Variants in DLG2 observed in about 807,000 individuals in gnomAD.
The protein encoded by DLG2 is discs large MAGUK scaffold protein 2.
In DLG2, 45 loss-of-function variants were observed where a neutral mutation model predicts 132.5. That is an observed-to-expected ratio of 0.34 (90% CI 0.27 to 0.44). The LOEUF is 0.44. Among genes scored for constraint, DLG2 ranks in the 20% least tolerant of loss-of-function variants. The pLI is 1.00. For missense variants in DLG2, 1,045 were observed against 1,196.9 expected (o/e 0.87, Z 1.87); for synonymous variants, 424 against 419.6 (o/e 1.01, Z -0.13).
At chr11:83,627,649 T>C (rs1378009083) in intron 19 of DLG2, among the ~76,000 whole-genome samples, 2 of 152,200 alleles carry the variant, frequency 1.3e-5, no homozygotes, top group African/African-American at 4.8e-5. Flanking sequence ...GTCTTTGCTA[T>C]TGTGAATAGT....
At chr11:84,273,304 A>AG (rs1445543087) in intron 7 of DLG2, 6 of 646,958 alleles carry the variant, frequency 9.3e-6, no homozygotes, top group South Asian at 2.6e-5. Context: ...CCAGTTGAAG[A>AG]GGAAAAAAAA....
chr11:83,717,077 G>C (rs2086870893), intron 18 of DLG2, among the ~76,000 whole-genome samples: 1 of 152,092 alleles, frequency 6.6e-6, no homozygotes, highest in Non-Finnish European at 1.5e-5. Flanking sequence ...TTGTACTAAT[G>C]TTATACTCTA....
intron 3 of DLG2, among the ~76,000 whole-genome samples, chr11:85,559,843 GA>G (rs2077139665): frequency 6.6e-6 from 1 of 151,286 alleles, no homozygotes; most frequent in African/African-American, 2.4e-5. Context: ...TAGATAGATA[GA>G]TAGATAGATA....
intron 6 of DLG2, among the ~76,000 whole-genome samples, chr11:84,739,780 C>G (rs2064349368): frequency 6.6e-6 from 1 of 152,094 alleles, no homozygotes; most frequent in East Asian, 1.9e-4. Flanking sequence ...AAAGCAGTAT[C>G]AAAACAATAT....
intron 7 of DLG2, among the ~76,000 whole-genome samples, chr11:84,339,426 A>G (rs1261828773): frequency 6.6e-6 from 1 of 152,174 alleles, no homozygotes; most frequent in Non-Finnish European, 1.5e-5. Context: ...TTTTATTCTT[A>G]TAGTTGATGC....
At chr11:84,812,134 A>C (rs1210957468) in intron 6 of DLG2, among the ~76,000 whole-genome samples, 3 of 152,216 alleles carry the variant, frequency 2.0e-5, no homozygotes, top group Non-Finnish European at 4.4e-5. Context: ...ATGATCCAGC[A>C]TTATCCAGCA....
intron 14 of DLG2, among the ~76,000 whole-genome samples, chr11:83,931,767 A>G (rs892897712): frequency 2.6e-5 from 4 of 152,192 alleles, no homozygotes; most frequent in South Asian, 2.1e-4. Flanking sequence ...CATATTTAAT[A>G]GATTTGGTGT....
At chr11:85,020,720 A>G (rs1478073775) in intron 6 of DLG2, 1 of 590,848 alleles carries the variant, frequency 1.7e-6, no homozygotes, top group Non-Finnish European at 3.2e-6. Context: ...GGCTAGCCAT[A>G]TGTGGAAAGC....
At chr11:85,221,065 C>CA (rs1012846447) in intron 4 of DLG2, among the ~76,000 whole-genome samples, 1 of 147,778 alleles carries the variant, frequency 6.8e-6, no homozygotes, top group African/African-American at 2.5e-5. Context: ...TTTTTTGAGA[C>CA]AGAGTCTCAC....
chr11:84,009,938 G>A (rs564678960), intron 11 of DLG2, among the ~76,000 whole-genome samples: 2 of 152,150 alleles, frequency 1.3e-5, no homozygotes, highest in Admixed American at 6.6e-5. Context: ...GGGCCAAGAC[G>A]CGAATCCAAG....
At chr11:84,466,736 T>G (rs1279082089) in intron 7 of DLG2, among the ~76,000 whole-genome samples, 1 of 151,374 alleles carries the variant, frequency 6.6e-6, no homozygotes, top group Non-Finnish European at 1.5e-5. Context: ...AAAGTACATA[T>G]GACTCTTTCC....
chr11:84,024,238 T>C (rs1190787082), intron 11 of DLG2, among the ~76,000 whole-genome samples: 2 of 152,120 alleles, frequency 1.3e-5, no homozygotes, highest in Non-Finnish European at 2.9e-5. Context: ...TGCATCAAAC[T>C]CTCTGACCTA....
chr11:83,894,450 A>G (rs886085971), intron 15 of DLG2, among the ~76,000 whole-genome samples: 4 of 152,164 alleles, frequency 2.6e-5, no homozygotes, highest in African/African-American at 9.7e-5. Context: ...AGGAAACAAA[A>G]ATTTTTTAAA....
Position 84,585,182 on chromosome 11 carries a change from T to C in DLG2, c.358-50451A>G, listed in dbSNP as rs2154529716. Reference sequence around the variant, plus strand: ...TATGTATGTGAGATAGGAATTAATTTAATTTTTCGTATTATATATAATTGT... The same window carrying C: ...TATGTATGTGAGATAGGAATTAATTCAATTTTTCGTATTATATATAATTGT... On this transcript the variant is annotated intron_variant, in intron 6 of 27. Transcript: ENST00000376104. 2.0e-5 allele frequency among the ~76,000 whole-genome samples: 3 copies of C among 152,326 alleles called. No individual in the cohort carries two copies. The South Asian group carries it at 6.2e-4, about 32-fold the overall frequency.
At chr11:85,160,597 C>G (rs535833611) in intron 4 of DLG2, among the ~76,000 whole-genome samples, 11 of 152,266 alleles carry the variant, frequency 7.2e-5, no homozygotes, top group Admixed American at 2.0e-4. Context: ...GTGGGTCATG[C>G]ACAGCAGCAT....
chr11:85,457,200 T>A (rs923353547), intron 3 of DLG2, among the ~76,000 whole-genome samples: 12 of 114,308 alleles, frequency 1.0e-4, no homozygotes, highest in Non-Finnish European at 1.7e-4. Context: ...TTTTTTTTTT[T>A]ATCTTTGTTG....
At chr11:83,869,820 G>A (rs772911948) in intron 16 of DLG2, among the ~76,000 whole-genome samples, 1 of 152,056 alleles carries the variant, frequency 6.6e-6, no homozygotes, top group Non-Finnish European at 1.5e-5. Flanking sequence ...CAGGGCAGCT[G>A]TTTTACCAAT....
chr11:84,443,820 A>G (rs941224019), intron 7 of DLG2, among the ~76,000 whole-genome samples: 15 of 152,074 alleles, frequency 9.9e-5, no homozygotes, highest in Non-Finnish European at 1.6e-4. Flanking sequence ...TCTGTTTCCA[A>G]TCTCTGACTT....
At chr11:84,949,776 T>A (rs995822179) in intron 6 of DLG2, among the ~76,000 whole-genome samples, 71 of 152,212 alleles carry the variant, frequency 4.7e-4, no homozygotes, top group African/African-American at 1.6e-3. Context: ...ACACACATGC[T>A]GTACAATTTG....
Sources: allele counts gnomAD v4.1 joint callset (sites outside exome capture counted in the v4.1 genomes callset), GRCh38; gene constraint gnomAD v4.1.1; transcripts MANE v1.5; gene names NCBI Gene and HGNC (gene_info 2026-07-23, HGNC 2026-07-21).